Variants in NWD2 observed in about 807,000 individuals in gnomAD.
The protein encoded by NWD2 is NACHT and WD repeat domain containing 2.
In NWD2, 37 loss-of-function variants were observed where a neutral mutation model predicts 132.7. The ratio of observed to expected loss-of-function variants is 0.28; its 90% CI spans 0.21 to 0.37. The LOEUF (loss-of-function observed/expected upper bound fraction) is 0.37, where lower values mean the gene tolerates loss of function less well. Ranked by LOEUF, NWD2 falls within the 10% of genes least tolerant of loss-of-function variation. The pLI, the probability that NWD2 is intolerant of heterozygous loss-of-function variation, is 1.00. For synonymous variants in NWD2, 705 were observed against 803.0 expected, an observed-to-expected ratio of 0.88 and a Z score of 2.06; for missense variants, 1,592 against 2,122.4, an observed-to-expected ratio of 0.75 and a Z score of 4.91.
chr4:37,446,758 G>A lies in NWD2; in HGVS notation c.4770G>A (p.Glu1590=). The part of the protein sequence containing the change: ...VYICFRNGEE[E]DENGAIFSLI... The stretch of plus-strand genomic sequence containing the variant: ...TTTGTTTCCGAAATGGGGAGGAGGA[G>A]GATGAAAATGGTGCAATATTCAGTT... Residue 1590 remains glutamate (E), a synonymous_variant, in exon 7 of 7, where the codon GAG becomes GAA. Transcript: ENST00000309447. This position sits in a 1 kb window ranked among gnomAD's most constrained non-coding sequence, Gnocchi z 6.7. 2 of 1,551,764 alleles carry A rather than the reference G, an allele frequency of 1.3e-6. No homozygotes were observed. Among genetic ancestry groups the A allele is most frequent in the East Asian group, 2.4e-5 (1 of 40,922 alleles).
In NWD2 at chr4:37,310,550, G is replaced by A. The variant is rs991628265; in HGVS notation, c.152-15386G>A. 2.7e-5 allele frequency among the ~76,000 whole-genome samples: 4 copies of A among 145,612 alleles called. No individual in the cohort carries two copies. In the Admixed American group the frequency reaches 2.8e-4, roughly 10 times the overall value. ...AGAACCTCTTATAAAATATTGAATAGAAGTTTTGAGGAGGTGTTCTTAGTT... is the reference window on the plus strand; with the variant it reads ...AGAACCTCTTATAAAATATTGAATAAAAGTTTTGAGGAGGTGTTCTTAGTT... On this transcript the variant is annotated intron_variant, in intron 1 of 6. Coordinates refer to ENST00000309447, the MANE Select transcript of NWD2 (RefSeq NM_001144990.2).
chr4:37,384,131 T>A (rs1016964248), intron 3 of NWD2, among the ~76,000 whole-genome samples: 1 of 152,316 alleles, frequency 6.6e-6, no homozygotes, highest in Admixed American at 6.5e-5. Context: ...GATTCCCTTT[T>A]TAGGAGCAGA....
intron 3 of NWD2, among the ~76,000 whole-genome samples, chr4:37,404,960 C>G (rs533642367): frequency 6.6e-6 from 1 of 152,274 alleles, no homozygotes; most frequent in East Asian, 1.9e-4. Flanking sequence ...CAATCACCTC[C>G]CACCAGGCCC....
chr4:37,246,836 A>G (rs990932516), intron 1 of NWD2, among the ~76,000 whole-genome samples: 4 of 150,882 alleles, frequency 2.7e-5, no homozygotes, highest in Non-Finnish European at 5.9e-5. Context: ...ATACAATAAG[A>G]ATTCTGCTAA....
intron 3 of NWD2, among the ~76,000 whole-genome samples, chr4:37,386,997 G>A (rs919771150): frequency 3.3e-5 from 5 of 152,288 alleles, no homozygotes; most frequent in Admixed American, 2.6e-4. Flanking sequence ...TATGAGCCAA[G>A]TAAACCTCTT....
At chr4:37,287,682 T>G (rs1482825257) in intron 1 of NWD2, among the ~76,000 whole-genome samples, 1 of 152,244 alleles carries the variant, frequency 6.6e-6, no homozygotes, top group African/African-American at 2.4e-5. Context: ...GGCCGCAGTC[T>G]TTGCAGTCAA....
At chr4:37,426,116 G>T (rs1712001764) in intron 3 of NWD2, among the ~76,000 whole-genome samples, 1 of 152,156 alleles carries the variant, frequency 6.6e-6, no homozygotes, top group African/African-American at 2.4e-5. Flanking sequence ...GTAAATATTT[G>T]TGTGTTATCT....
At chr4:37,436,821 C>T (rs924425324) in intron 5 of NWD2, among the ~76,000 whole-genome samples, 5 of 152,198 alleles carry the variant, frequency 3.3e-5, no homozygotes, top group Admixed American at 3.3e-4. Flanking sequence ...CTTCCCTTAT[C>T]TACATTATAA....
At chr4:37,265,836 AGTC>A (rs2109261041) in intron 1 of NWD2, among the ~76,000 whole-genome samples, 1 of 152,218 alleles carries the variant, frequency 6.6e-6, no homozygotes, top group African/African-American at 2.4e-5. Flanking sequence ...CTGCAGAGTC[AGTC>A]CCCTTTGCCA....
intron 3 of NWD2, among the ~76,000 whole-genome samples, chr4:37,365,540 G>C (rs1289189147): frequency 2.0e-5 from 3 of 152,250 alleles, no homozygotes; most frequent in African/African-American, 7.2e-5. Flanking sequence ...ATATAGTCCA[G>C]AGAAACAAAT....
At chr4:37,398,361 A>G (rs1004789372) in intron 3 of NWD2, among the ~76,000 whole-genome samples, 1 of 152,208 alleles carries the variant, frequency 6.6e-6, no homozygotes. Flanking sequence ...TAGAAAACCA[A>G]ACACTGCATG....
chr4:37,304,905 T>C (rs765896071), intron 1 of NWD2, among the ~76,000 whole-genome samples: 10 of 152,214 alleles, frequency 6.6e-5, no homozygotes, highest in African/African-American at 1.2e-4. Flanking sequence ...GCACGGACAG[T>C]GTGCGGGGGC....
chr4:37,360,677 C>T (rs1719964104), intron 3 of NWD2, among the ~76,000 whole-genome samples: 1 of 152,158 alleles, frequency 6.6e-6, no homozygotes, highest in African/African-American at 2.4e-5. Flanking sequence ...ATCTCCCCCA[C>T]CTACTTGTCG....
chr4:37,319,916 C>G (rs1363923449), intron 1 of NWD2, among the ~76,000 whole-genome samples: 1 of 152,080 alleles, frequency 6.6e-6, no homozygotes, highest in East Asian at 1.9e-4. Context: ...GTGATCCCTC[C>G]AAATTTGTTG....
intron 3 of NWD2, among the ~76,000 whole-genome samples, chr4:37,419,658 G>A (rs1466056243): frequency 6.6e-6 from 1 of 152,168 alleles, no homozygotes. Context: ...AAAATGTTGA[G>A]CTGTCAAACT....
At chr4:37,408,509 A>G (rs1436190560) in intron 3 of NWD2, among the ~76,000 whole-genome samples, 1 of 152,246 alleles carries the variant, frequency 6.6e-6, no homozygotes, top group Non-Finnish European at 1.5e-5. Context: ...CATCTCTGAA[A>G]AAAAGGCAGC....
At chr4:37,331,980 C>A (rs541765888) in intron 2 of NWD2, among the ~76,000 whole-genome samples, 1 of 152,182 alleles carries the variant, frequency 6.6e-6, no homozygotes, top group Non-Finnish European at 1.5e-5. Flanking sequence ...CACTGAGGCC[C>A]ATTTAGACCA....
intron 3 of NWD2, among the ~76,000 whole-genome samples, chr4:37,414,388 T>G (rs896887035): frequency 6.6e-6 from 1 of 151,578 alleles, no homozygotes; most frequent in African/African-American, 2.4e-5. Context: ...CTGCCTACAC[T>G]AGACTTCTTC....
intron 1 of NWD2, among the ~76,000 whole-genome samples, chr4:37,277,986 A>C (rs1718056404): frequency 6.6e-6 from 1 of 152,150 alleles, no homozygotes; most frequent in Non-Finnish European, 1.5e-5. Context: ...ACAGAGACAA[A>C]GATGTAAGTA....
Sources: gnomAD v4.1 joint callset for allele counts (sites outside exome capture counted in the v4.1 genomes callset) on GRCh38, gnomAD v4.1.1 for gene constraint, Gnocchi (gnomAD v3.1) non-coding constraint, MANE v1.5 for transcripts, NCBI Gene and HGNC (gene_info 2026-07-23, HGNC 2026-07-21) for gene names.